Variants in E2F2 observed in about 807,000 individuals in gnomAD.
E2F2 encodes transcription factor E2F2.
A neutral mutation model predicts 42.2 loss-of-function variants in E2F2; 22 were observed. That is an observed-to-expected ratio of 0.52 (90% CI 0.37 to 0.74). The LOEUF (loss-of-function observed/expected upper bound fraction) is 0.74, where lower values mean the gene tolerates loss of function less well. E2F2 is among the 30% of genes least tolerant of loss of function. E2F2 has a pLI of 0.00. For synonymous variants in E2F2, 248 were observed against 251.6 expected, an observed-to-expected ratio of 0.99 and a Z score of 0.13; for missense variants, 481 against 557.8, an observed-to-expected ratio of 0.86 and a Z score of 1.39.
chr1:23,514,068 G>C (rs1325408987), intron 6 of E2F2, among the ~76,000 whole-genome samples: 1 of 151,710 alleles, frequency 6.6e-6, no homozygotes, highest in Non-Finnish European at 1.5e-5. Flanking sequence ...AGGTTGCAGT[G>C]AGCCAAGATT....
Position 23,521,849 on chromosome 1 carries a change from T to C in E2F2, c.566A>G (p.Asn189Ser), listed in dbSNP as rs752706765. The change falls in exon 3 of 7, where the codon AAC becomes AGC. Residue 189 changes from asparagine to serine, a missense_variant. Transcript: ENST00000361729. ...CCCAGGCACTCACACCCACTGGATGTTGTTCTTGGCCTTCTTGCGGATGAG... is the reference window on the plus strand; with the variant it reads ...CCCAGGCACTCACACCCACTGGATGCTGTTCTTGGCCTTCTTGCGGATGAG... The part of the protein sequence containing the change: ...IQLIRKKAKN[N>S]IQWVGRGMFE... The C allele has an allele frequency of 1.2e-5, 19 of 1,613,858 alleles. No homozygotes were observed. The highest frequency in any genetic ancestry group is 1.5e-5 in the Non-Finnish European group (18 of 1,179,976).
intron 1 of E2F2, among the ~76,000 whole-genome samples, chr1:23,525,307 G>A (rs1273400909): frequency 6.6e-6 from 1 of 152,052 alleles, no homozygotes; most frequent in Non-Finnish European, 1.5e-5. Context: ...GCCCCAATTA[G>A]GCCCAGAGCT....
In E2F2 at chr1:23,507,795, A is replaced by G. The variant is rs1288404164; in HGVS notation, c.*2085T>C. The stretch of plus-strand genomic sequence containing the variant: ...AGCCATATGGAGAGGCCTCTAGGGC[A>G]TGAGCTTACATTCCAGACTTCAGTA... On this transcript the variant is annotated 3_prime_UTR_variant, in exon 7 of 7. Coordinates refer to ENST00000361729, the MANE Select transcript of E2F2 (RefSeq NM_004091.4). 1 of 152,270 alleles carries G rather than the reference A, an allele frequency of 6.6e-6. No individual in the cohort carries two copies. The highest frequency in any genetic ancestry group is 1.5e-5 in the Non-Finnish European group (1 of 68,072). 9.4% of individuals were successfully genotyped at this position (152,270 alleles called of 1,614,324 possible). A position where few individuals can be genotyped will look rare whatever the true frequency, so the allele number is the denominator to read the frequency against.
At position 23,519,035 on chromosome 1, in the gene E2F2, T is replaced by G; in HGVS notation, c.833A>C (p.Glu278Ala). The change falls in exon 5 of 7, where the codon GAA (glutamate) becomes GCA (alanine). Residue 278 changes from glutamate to alanine, a missense_variant. Glu to Ala is a moderately radical substitution (Grantham distance 107). Transcript: ENST00000361729. ...TCTCACCTCAGTCCTGTCGGGCACT[T>G]CCAGTCTCGTCTGCGGAGGGGCCTT... ...AVKAPPQTRL[E>A]VPDRTEDNLQ... is the part of the protein sequence containing the mutation. 1.2e-6 allele frequency: 2 copies of G among 1,613,964 alleles called. No homozygotes were observed. Among genetic ancestry groups the G allele is most frequent in the Non-Finnish European group, 1.7e-6 (2 of 1,179,926 alleles).
chr1:23,525,077 C>A (rs1268025403), intron 1 of E2F2, among the ~76,000 whole-genome samples: 3 of 152,344 alleles, frequency 2.0e-5, no homozygotes, highest in East Asian at 3.9e-4. Flanking sequence ...GTTTGGGCTC[C>A]AGCTTGAGGG....
downstream of E2F2, among the ~76,000 whole-genome samples, chr1:23,505,736 A>G (rs1389188030): frequency 1.3e-5 from 2 of 152,006 alleles, no homozygotes; most frequent in African/African-American, 2.4e-5. Flanking sequence ...GATGATCTCA[A>G]TCTCCTGACC....
Position 23,519,061 on chromosome 1 carries a change from G to C in E2F2, c.807C>G (p.Val269=), listed in dbSNP as rs899374347. 1.2e-6 allele frequency: 2 copies of C among 1,613,990 alleles called. No homozygotes were observed. The highest frequency in any genetic ancestry group is 1.3e-5 in the African/African-American group (1 of 75,026). Reference sequence around the variant, plus strand: ...CCAGTCTCGTCTGCGGAGGGGCCTTGACGGCAATCACTGTCTGCTCCTTAA... The same window carrying C: ...CCAGTCTCGTCTGCGGAGGGGCCTTCACGGCAATCACTGTCTGCTCCTTAA... ...GNFKEQTVIA[V]KAPPQTRLEV... The change falls in exon 5 of 7, where the codon GTC becomes GTG. Residue 269 remains valine (V), a synonymous_variant. Transcript: ENST00000361729.
chr1:23,520,243 CAAAAAAAAAAAAAAAAA>C (rs66460864), intron 4 of E2F2, among the ~76,000 whole-genome samples: 40,810 of 79,992 alleles, frequency 0.51, 8,381 homozygotes, highest in East Asian at 0.59. Context: ...GACTCTGTCT[CAAAAAAAAAAAAAAAAA>C]AAAAAAAAAA....
chr1:23,522,037 C>T lies in E2F2; in HGVS notation c.378G>A (p.Glu126=), dbSNP rs1643160376. 2.5e-6 allele frequency: 4 copies of T among 1,614,014 alleles called. No individual in the cohort carries two copies. The South Asian group carries it at 3.3e-5, about 13-fold the overall frequency. ...CCAGCGAAGTGTCATACCGAGTCTT[C>T]TCCCCGGGGGATTTGGGGGCTGAAG... ...PSPKTPKSPG[E]KTRYDTSLGL... is the part of the protein sequence containing the mutation. Residue 126 remains glutamate, a synonymous_variant, in exon 3 of 7, where the codon GAG becomes GAA. Transcript: ENST00000361729.
chr1:23,512,651 T>A (rs981701618), intron 6 of E2F2, among the ~76,000 whole-genome samples: 2 of 151,904 alleles, frequency 1.3e-5, no homozygotes, highest in Non-Finnish European at 2.9e-5. Flanking sequence ...CATGTGAAAA[T>A]CTCTATTATA....
In E2F2 at chr1:23,530,853, C is replaced by T. The variant is rs1453832062; in HGVS notation, c.-60G>A. ...GCGCGCCCGCGGACACCTGCGGGTTCCGGTGCTGCCGCCTTTCACACGGCC... is the reference window on the plus strand; with the variant it reads ...GCGCGCCCGCGGACACCTGCGGGTTTCGGTGCTGCCGCCTTTCACACGGCC... On this transcript the variant is annotated 5_prime_UTR_variant, in exon 1 of 7. Coordinates refer to ENST00000361729, the MANE Select transcript of E2F2 (RefSeq NM_004091.4). This position sits in a 1 kb window ranked among gnomAD's most constrained non-coding sequence, Gnocchi z 4.4. The T allele has an allele frequency of 7.1e-7, 1 of 1,416,774 alleles. No homozygotes were observed. The highest frequency in any genetic ancestry group is 3.0e-5 in the Admixed American group (1 of 33,690). The allele number at this position is 1,416,774 out of a possible 1,614,324, so 87.8% of individuals were successfully genotyped here. A position where few individuals can be genotyped will look rare whatever the true frequency, so the allele number is the denominator to read the frequency against.
At position 23,509,243 on chromosome 1, in the gene E2F2, A is replaced by C. The variant is rs1642860194; in HGVS notation, c.*637T>G. On this transcript the variant is annotated 3_prime_UTR_variant, in exon 7 of 7. Transcript: ENST00000361729. Reference sequence around the variant, plus strand: ...TGAGGCCAAGAACAGGGGAAGAGGCAAAAGGGCCCACAGCTGCCGTTTACT... The same window carrying C: ...TGAGGCCAAGAACAGGGGAAGAGGCCAAAGGGCCCACAGCTGCCGTTTACT... 6.6e-6 allele frequency: 1 copy of C among 152,252 alleles called. No individual in the cohort carries two copies. The highest frequency in any genetic ancestry group is 1.5e-5 in the Non-Finnish European group (1 of 68,086). 9.4% of individuals were successfully genotyped at this position (152,252 alleles called of 1,614,324 possible).
chr1:23,524,107 A>AAC (rs1643206301), intron 2 of E2F2, among the ~76,000 whole-genome samples: 40 of 130,392 alleles, frequency 3.1e-4, no homozygotes, highest in Non-Finnish European at 3.2e-4. Flanking sequence ...ACAACAACAA[A>AAC]AAAAAACACA....
chr1:23,510,796 G>C (rs890811895), intron 6 of E2F2, among the ~76,000 whole-genome samples: 1 of 152,184 alleles, frequency 6.6e-6, no homozygotes, highest in Non-Finnish European at 1.5e-5. Flanking sequence ...GCAGAGAGGG[G>C]AATGGGGAAT....
rs1558253210 is a variant in E2F2, at chr1:23,524,091, ACAACAACAAC to A, written c.358+282_358+291del. On this transcript the variant is annotated intron_variant, in intron 2 of 6. Transcript: ENST00000361729. ...CTGTCTCACAACAACAACAACAACA[ACAACAACAAC>A]AACAAAAAAAAACACAGAAGTAATG... Among the ~76,000 whole-genome samples, 33 of 122,966 alleles carry A rather than the reference ACAACAACAAC, an allele frequency of 2.7e-4. 1 individual carries two copies. Among genetic ancestry groups the A allele is most frequent in the South Asian group, 1.4e-3 (5 of 3,632 alleles). The allele number at this position is 122,966 out of a possible 152,430, so 80.7% of individuals were successfully genotyped here. A position where few individuals can be genotyped will look rare whatever the true frequency, so the allele number is the denominator to read the frequency against.
chr1:23,515,514 A>G (rs189392528), intron 6 of E2F2, among the ~76,000 whole-genome samples: 106 of 148,380 alleles, frequency 7.1e-4, no homozygotes, highest in African/African-American at 2.5e-3. Flanking sequence ...AAGACACATC[A>G]CCTCTATGTC....
At chr1:23,513,922 G>A (rs970069774) in intron 6 of E2F2, among the ~76,000 whole-genome samples, 4 of 151,918 alleles carry the variant, frequency 2.6e-5, no homozygotes, top group Non-Finnish European at 4.4e-5. Context: ...TCAGGAGTTC[G>A]AGACCAGCCT....
intron 4 of E2F2, among the ~76,000 whole-genome samples, 189 bp downstream of exon 4, chr1:23,520,724 C>T (rs145364037): frequency 2.6e-5 from 4 of 152,110 alleles, no homozygotes; most frequent in African/African-American, 4.8e-5. Flanking sequence ...GCCTGGATGA[C>T]GGAATGAGTC....
At chr1:23,525,219 C>T (rs1272717307) in intron 1 of E2F2, among the ~76,000 whole-genome samples, 2 of 152,134 alleles carry the variant, frequency 1.3e-5, no homozygotes, top group African/African-American at 4.8e-5. Context: ...CTTTCTGTTC[C>T]CGCCAAGCTT....
Sources: gnomAD v4.1 joint callset for allele counts (sites outside exome capture counted in the v4.1 genomes callset) on GRCh38, gnomAD v4.1.1 for gene constraint, Gnocchi (gnomAD v3.1) non-coding constraint, MANE v1.5 for transcripts, NCBI Gene and HGNC (gene_info 2026-07-23, HGNC 2026-07-21) for gene names.